The following WDFY2 variants were observed in gnomAD, a reference collection of about 807,000 sequenced individuals.
The protein encoded by WDFY2 is WD repeat and FYVE domain-containing protein 2.
A neutral mutation model predicts 56.4 loss-of-function variants in WDFY2; 36 were observed. That is an observed-to-expected ratio of 0.64 (90% CI 0.49 to 0.84). The LOEUF is 0.84. Among genes scored for constraint, WDFY2 ranks in the 40% least tolerant of loss-of-function variants. The probability of loss-of-function intolerance (pLI) is 0.00; values close to 1 mark genes in which losing one functional copy is unlikely to be tolerated. For missense variants in WDFY2, 444 were observed against 512.2 expected (o/e 0.87, Z 1.29); for synonymous variants, 176 against 183.7 (o/e 0.96, Z 0.34).
intron 1 of WDFY2, among the ~76,000 whole-genome samples, chr13:51,622,420 A>AC (rs1443310139): frequency 5.3e-5 from 8 of 152,308 alleles, no homozygotes; most frequent in Middle Eastern, 3.4e-3. Flanking sequence ...TCCTGTGGTG[A>AC]CCCACAGGTG....
rs143417001 is a variant in WDFY2 at position 51,616,268 on chromosome 13, A to G, written c.137+31444A>G. Among the ~76,000 whole-genome samples the G allele has an allele frequency of 1.9e-3, 285 of 152,312 alleles. 1 individual carries two copies. The highest frequency in any genetic ancestry group is 2.7e-3 in the Non-Finnish European group (185 of 68,032). Reference sequence around the variant, plus strand: ...AATAAATAAGATACTGTATAAATTCATGATTCTCATAATGCCAAAATTCAG... The same window carrying G: ...AATAAATAAGATACTGTATAAATTCGTGATTCTCATAATGCCAAAATTCAG... On this transcript the variant is annotated intron_variant, in intron 1 of 11. Transcript: ENST00000298125.
chr13:51,716,705 A>G (rs549817015), intron 4 of WDFY2, among the ~76,000 whole-genome samples: 1 of 150,754 alleles, frequency 6.6e-6, no homozygotes, highest in Non-Finnish European at 1.5e-5. Flanking sequence ...AAAAAAAAAA[A>G]AAAAAAATCA....
intron 6 of WDFY2, among the ~76,000 whole-genome samples, chr13:51,734,703 G>A (rs142775794): frequency 0.025 from 3,866 of 152,190 alleles, 72 homozygotes; most frequent in Non-Finnish European, 0.039. Context: ...TAGAAGACCT[G>A]TGCCCACTAA....
At chr13:51,658,005 G>C (rs1022909283) in intron 1 of WDFY2, among the ~76,000 whole-genome samples, 3 of 152,016 alleles carry the variant, frequency 2.0e-5, no homozygotes, top group African/African-American at 7.2e-5. Context: ...TTTTCTGTCA[G>C]TTTATTTGTT....
intron 3 of WDFY2, among the ~76,000 whole-genome samples, chr13:51,686,533 C>T (rs1167680323): frequency 2.6e-5 from 4 of 152,004 alleles, no homozygotes; most frequent in South Asian, 4.1e-4. Flanking sequence ...GTTTCTTGTG[C>T]GTGCCATTTT....
intron 1 of WDFY2, among the ~76,000 whole-genome samples, chr13:51,628,167 C>T (rs748934346): frequency 6.6e-5 from 10 of 152,302 alleles, no homozygotes; most frequent in African/African-American, 2.4e-4. Flanking sequence ...CCAGGCTGTT[C>T]GTGCTGAGAG....
intron 2 of WDFY2, among the ~76,000 whole-genome samples, chr13:51,673,155 A>T (rs1279095519): frequency 6.6e-6 from 1 of 152,248 alleles, no homozygotes; most frequent in East Asian, 1.9e-4. Flanking sequence ...AACAAGAAAT[A>T]TAGGAAATTG....
chr13:51,593,752 A>G (rs1419944992), intron 1 of WDFY2, among the ~76,000 whole-genome samples: 1 of 152,120 alleles, frequency 6.6e-6, no homozygotes, highest in Non-Finnish European at 1.5e-5. Flanking sequence ...GTTCTTCTTA[A>G]CAATTTCTTT....
At chr13:51,603,050 C>T in intron 1 of WDFY2, among the ~76,000 whole-genome samples, 1 of 152,072 alleles carries the variant, frequency 6.6e-6, no homozygotes, top group Non-Finnish European at 1.5e-5. Context: ...TTCTTGAGTT[C>T]AAGCATATAG....
At chr13:51,633,004 T>A (rs1954981246) in intron 1 of WDFY2, among the ~76,000 whole-genome samples, 1 of 152,194 alleles carries the variant, frequency 6.6e-6, no homozygotes, top group Non-Finnish European at 1.5e-5. Flanking sequence ...AGCTTAGAGT[T>A]CTAATAGTTT....
At chr13:51,612,819 A>C (rs1447450930) in intron 1 of WDFY2, among the ~76,000 whole-genome samples, 1 of 152,080 alleles carries the variant, frequency 6.6e-6, no homozygotes, top group South Asian at 2.1e-4. Context: ...TCCCCCTTAC[A>C]GGTAGAGGGT....
chr13:51,707,706 G>T (rs775512641), intron 4 of WDFY2, among the ~76,000 whole-genome samples: 7 of 151,890 alleles, frequency 4.6e-5, no homozygotes, highest in East Asian at 1.9e-4. Flanking sequence ...GAACTGAAAG[G>T]TTTTTTTCAT....
intron 11 of WDFY2, among the ~76,000 whole-genome samples, 155 bp downstream of exon 11, chr13:51,758,455 G>A: frequency 6.6e-6 from 1 of 151,818 alleles, no homozygotes; most frequent in East Asian, 1.9e-4. Flanking sequence ...GGAGATTTAG[G>A]AGGGAGGATT....
rs537548875 is a variant in WDFY2, at chr13:51,621,161, T to C, written c.137+36337T>C. On this transcript the variant is annotated intron_variant, in intron 1 of 11. Transcript: ENST00000298125. The stretch of plus-strand genomic sequence containing the variant: ...GCCTTTCCTACACAAACGCATACTT[T>C]TAATAGATTGGAAGTGGTTATGTGC... Among the ~76,000 whole-genome samples, 17 of 152,352 alleles carry C rather than the reference T, an allele frequency of 1.1e-4. No homozygotes were observed. In the South Asian group the frequency reaches 3.1e-3, roughly 28 times the overall value.
rs544937007 is a variant in WDFY2 at position 51,653,540 on chromosome 13, C to T, written c.138-7056C>T. On this transcript the variant is annotated intron_variant, in intron 1 of 11. Transcript: ENST00000298125. The stretch of plus-strand genomic sequence containing the variant: ...TTCCCCATCTTTGTGGTTTTGTCTA[C>T]CTTTGTTCTTTGATGATGGTGACGT... Among the ~76,000 whole-genome samples the T allele has an allele frequency of 3.3e-5, 5 of 152,270 alleles. No homozygotes were observed. The South Asian group carries it at 1.0e-3, about 32-fold the overall frequency.
chr13:51,605,225 A>G (rs1183822213), intron 1 of WDFY2, among the ~76,000 whole-genome samples: 2 of 152,206 alleles, frequency 1.3e-5, no homozygotes, highest in African/African-American at 2.4e-5. Flanking sequence ...CCACATATGG[A>G]CAGCACATTG....
chr13:51,602,831 C>T (rs1256826241), intron 1 of WDFY2, among the ~76,000 whole-genome samples: 1 of 152,132 alleles, frequency 6.6e-6, no homozygotes, highest in Non-Finnish European at 1.5e-5. Context: ...CTCATCTGAC[C>T]AGTGTTCATG....
chr13:51,707,780 A>G (rs1044331749), intron 4 of WDFY2, among the ~76,000 whole-genome samples: 5 of 152,122 alleles, frequency 3.3e-5, no homozygotes, highest in Non-Finnish European at 7.4e-5. Context: ...CAAGGGGTTA[A>G]TAATATATGT....
In WDFY2 at chr13:51,759,853, A is replaced by T; in HGVS notation, c.*84A>T. The T allele has an allele frequency of 7.0e-7, 1 of 1,430,526 alleles. No individual in the cohort carries two copies. Among genetic ancestry groups the T allele is most frequent in the Non-Finnish European group, 9.8e-7 (1 of 1,023,270 alleles). 88.6% of individuals were successfully genotyped at this position (1,430,526 alleles called of 1,614,324 possible). A position where few individuals can be genotyped will look rare whatever the true frequency, so the allele number is the denominator to read the frequency against. ...AATCATTACCAGAGTGGTAAAGCAG[A>T]CATGTGAGAAGTAAGAAAGAAACTA... On this transcript the variant is annotated 3_prime_UTR_variant, in exon 12 of 12. Transcript: ENST00000298125.
Sources: gnomAD v4.1 joint callset for allele counts (sites outside exome capture counted in the v4.1 genomes callset) on GRCh38, gnomAD v4.1.1 for gene constraint, MANE v1.5 for transcripts, NCBI Gene and HGNC (gene_info 2026-07-23, HGNC 2026-07-21) for gene names.